NAALADL2: variants seen among roughly 807,000 people sequenced by gnomAD.
NAALADL2 encodes the protein N-acetylated alpha-linked acidic dipeptidase like 2, also known as inactive N-acetylated-alpha-linked acidic dipeptidase-like protein 2.
Under a neutral mutation model 87.2 loss-of-function variants are expected in NAALADL2, and 76 were observed. The ratio of observed to expected loss-of-function variants is 0.87; its 90% CI spans 0.72 to 1.05. The LOEUF (loss-of-function observed/expected upper bound fraction) is 1.05. Among genes scored for constraint, NAALADL2 ranks in the 50% least tolerant of loss-of-function variants. NAALADL2 has a pLI of 0.00. For synonymous variants in NAALADL2, 354 were observed against 331.0 expected, an observed-to-expected ratio of 1.07 and a Z score of -0.75; for missense variants, 1,089 against 945.8, an observed-to-expected ratio of 1.15 and a Z score of -1.99.
At chr3:175,128,297 TGTAAG>T (rs1163140612) in intron 2 of NAALADL2, among the ~76,000 whole-genome samples, 14 of 152,318 alleles carry the variant, frequency 9.2e-5, no homozygotes, top group East Asian at 5.8e-4. Flanking sequence ...GAAAGAAAAA[TGTAAG>T]GTAAAGGTAA....
At chr3:174,921,335 C>A (rs1364876815) in intron 1 of NAALADL2, among the ~76,000 whole-genome samples, 1 of 152,128 alleles carries the variant, frequency 6.6e-6, no homozygotes, top group Non-Finnish European at 1.5e-5. Context: ...ACAACTAAAT[C>A]ACTTAAATAC....
chr3:175,425,783 A>G (rs1243478848), intron 5 of NAALADL2, among the ~76,000 whole-genome samples: 1 of 152,188 alleles, frequency 6.6e-6, no homozygotes, highest in Non-Finnish European at 1.5e-5. Context: ...AAGACCTAGG[A>G]TCATCTGTGT....
At chr3:175,243,393 AGTTT>A (rs1235931389) in intron 3 of NAALADL2, among the ~76,000 whole-genome samples, 1 of 151,844 alleles carries the variant, frequency 6.6e-6, no homozygotes, top group African/African-American at 2.4e-5. Context: ...TCAGCTAGTT[AGTTT>A]ATTTTTTGCA....
intron 2 of NAALADL2, among the ~76,000 whole-genome samples, chr3:175,108,137 A>C (rs1274541791): frequency 6.6e-6 from 1 of 151,758 alleles, no homozygotes; most frequent in Admixed American, 6.6e-5. Flanking sequence ...CCTGTGCAAC[A>C]TGATGTAGTA....
chr3:175,460,430 T>C (rs1722941332), intron 6 of NAALADL2, among the ~76,000 whole-genome samples: 1 of 152,192 alleles, frequency 6.6e-6, no homozygotes, highest in African/African-American at 2.4e-5. Context: ...TAGTGATACA[T>C]AAGGAAGTCC....
At chr3:174,810,612 AT>A (rs1291540435) in intron 3 of NAALADL2, among the ~76,000 whole-genome samples, 45 of 151,630 alleles carry the variant, frequency 3.0e-4, no homozygotes, top group South Asian at 1.0e-3. Context: ...AAAAAAAAAA[AT>A]GATCCAAAAC....
At chr3:174,519,116 T>C (rs1008638796) in intron 1 of NAALADL2, among the ~76,000 whole-genome samples, 3 of 152,308 alleles carry the variant, frequency 2.0e-5, no homozygotes, top group Non-Finnish European at 2.9e-5. Flanking sequence ...AATGAGAGTT[T>C]TATTAGAAGC....
chr3:175,324,315 C>T lies in NAALADL2; in HGVS notation c.1080C>T (p.Tyr360=). The change falls in exon 5 of 14, where the codon TAC becomes TAT. Residue 360 remains tyrosine, a synonymous_variant. Coordinates refer to ENST00000454872, the MANE Select transcript of NAALADL2 (RefSeq NM_207015.3). ...NPGGDPSTPG[Y]PSVDESFRQS... is the part of the protein sequence containing the mutation. ...GAGGAGACCCTTCTACGCCTGGTTA[C>T]CCAAGTGTCGGTAAGTTTGTTGGTC... The T allele has an allele frequency of 1.2e-6, 2 of 1,609,928 alleles. No individual in the cohort carries two copies. Among genetic ancestry groups the T allele is most frequent in the Non-Finnish European group, 8.5e-7 (1 of 1,178,526 alleles).
intron 5 of NAALADL2, among the ~76,000 whole-genome samples, chr3:175,447,018 C>G (rs946795779): frequency 2.0e-5 from 3 of 152,088 alleles, no homozygotes; most frequent in African/African-American, 4.8e-5. Context: ...CCATCTTTAA[C>G]TAGGATATGT....
chr3:175,737,207 G>A (rs1744615559), intron 11 of NAALADL2, 99 bp from the exon 12 acceptor site: 1 of 723,838 alleles, frequency 1.4e-6, no homozygotes, highest in Non-Finnish European at 2.5e-6. Flanking sequence ...TGTTTTTGCT[G>A]CTCTAGATGT....
chr3:174,937,544 G>T (rs771671199), intron 1 of NAALADL2, among the ~76,000 whole-genome samples: 1 of 152,000 alleles, frequency 6.6e-6, no homozygotes, highest in Non-Finnish European at 1.5e-5. Context: ...TCTTCATGGA[G>T]CTATTTGTAT....
chr3:175,520,852 A>G (rs1290575101), intron 9 of NAALADL2, among the ~76,000 whole-genome samples: 1 of 152,194 alleles, frequency 6.6e-6, no homozygotes, highest in African/African-American at 2.4e-5. Context: ...AAGAAGAGTG[A>G]AAAATCCTCT....
chr3:175,129,408 G>C (rs972343451), intron 2 of NAALADL2, among the ~76,000 whole-genome samples: 5 of 152,108 alleles, frequency 3.3e-5, no homozygotes, highest in African/African-American at 9.7e-5. Context: ...GTGTACAATA[G>C]ATCCCTGGAG....
In NAALADL2 at chr3:175,013,292, TATA is replaced by T. The variant is rs1560476229; in HGVS notation, c.44-83497_44-83495del. 6.4e-4 allele frequency among the ~76,000 whole-genome samples: 55 copies of T among 85,526 alleles called. 1 individual carries two copies. The highest frequency in any genetic ancestry group is 3.6e-3 in the African/African-American group (54 of 15,032). 56.1% of individuals were successfully genotyped at this position (85,526 alleles called of 152,430 possible). A position where few individuals can be genotyped will look rare whatever the true frequency, so the allele number is the denominator to read the frequency against. ...TTATATATATACATATATATATATATATATATATATTTTTTTTTTTTTTTGAGA... is the reference window on the plus strand; with the variant it reads ...TTATATATATACATATATATATATATTATATATTTTTTTTTTTTTTTGAGA... On this transcript the variant is annotated intron_variant, in intron 1 of 13. Transcript: ENST00000454872.
intron 1 of NAALADL2, among the ~76,000 whole-genome samples, chr3:175,055,984 G>A (rs1580221007): frequency 6.6e-6 from 1 of 152,160 alleles, no homozygotes; most frequent in East Asian, 1.9e-4. Context: ...TCTGGGCGGT[G>A]TATTCTAACA....
intron 3 of NAALADL2, among the ~76,000 whole-genome samples, chr3:174,812,376 G>A (rs900320065): frequency 1.1e-4 from 17 of 152,258 alleles, no homozygotes; most frequent in African/African-American, 3.4e-4. Flanking sequence ...ACAAGTGCTA[G>A]TGGTGATGCT....
chr3:174,949,741 A>G (rs1740035200), intron 1 of NAALADL2, among the ~76,000 whole-genome samples: 1 of 152,226 alleles, frequency 6.6e-6, no homozygotes, highest in Admixed American at 6.5e-5. Context: ...GACATGGCCA[A>G]AGAAAACAAA....
intron 2 of NAALADL2, among the ~76,000 whole-genome samples, chr3:174,707,719 C>T (rs1290272021): frequency 1.3e-5 from 2 of 151,774 alleles, no homozygotes; most frequent in Non-Finnish European, 2.9e-5. Context: ...GGGTGCAGCA[C>T]ACCAACATGG....
upstream of NAALADL2, among the ~76,000 whole-genome samples, chr3:174,855,958 A>ACG (rs1725813944): frequency 8.3e-6 from 1 of 120,858 alleles, no homozygotes; most frequent in African/African-American, 3.7e-5. Flanking sequence ...ATATGAATAT[A>ACG]TGTGTATGTG....
Sources: gnomAD v4.1 joint callset for allele counts (sites outside exome capture counted in the v4.1 genomes callset) on GRCh38, gnomAD v4.1.1 for gene constraint, MANE v1.5 for transcripts, NCBI Gene and HGNC (gene_info 2026-07-23, HGNC 2026-07-21) for gene names.